Variants in PCSK6 observed in about 807,000 individuals in gnomAD.
PCSK6 encodes paired basic amino acid cleaving enzyme 4.
A neutral mutation model predicts 123.3 loss-of-function variants in PCSK6; 85 were observed. The observed-to-expected ratio is 0.69, with a 90% CI of 0.58 to 0.83. The LOEUF is 0.83. Ranked by LOEUF, PCSK6 falls within the 40% of genes least tolerant of loss-of-function variation. The pLI is 0.00. For missense variants in PCSK6, 1,191 were observed against 1,282.3 expected (o/e 0.93, Z 1.09); for synonymous variants, 508 against 516.0 (o/e 0.98, Z 0.21).
intron 6 of PCSK6, among the ~76,000 whole-genome samples, chr15:101,409,492 G>A (rs2042878559): frequency 1.3e-5 from 2 of 151,702 alleles, no homozygotes; most frequent in African/African-American, 4.8e-5. Context: ...GGCTGAGGCA[G>A]GAGAATGGCG....
At chr15:101,354,418 C>G (rs954402962) in intron 13 of PCSK6, among the ~76,000 whole-genome samples, 1 of 152,270 alleles carries the variant, frequency 6.6e-6, no homozygotes, top group African/African-American at 2.4e-5. Context: ...CACCTTCAGT[C>G]AAACGTAAAA....
At chr15:101,322,237 G>A (rs369372074) in intron 18 of PCSK6, among the ~76,000 whole-genome samples, 12 of 152,196 alleles carry the variant, frequency 7.9e-5, no homozygotes, top group Admixed American at 2.6e-4. Flanking sequence ...GTGCTGGAGC[G>A]AAAGGAGGCG....
At chr15:101,318,258 A>C (rs1389306844) in intron 19 of PCSK6, 61 bp downstream of exon 19, 1 of 1,266,634 alleles carries the variant, frequency 7.9e-7, no homozygotes, top group East Asian at 2.5e-5. Context: ...TCTCGGGTTC[A>C]AGGCAGCTAG....
intron 5 of PCSK6, among the ~76,000 whole-genome samples, chr15:101,428,783 A>G (rs774766522): frequency 1.1e-4 from 16 of 152,206 alleles, no homozygotes; most frequent in Non-Finnish European, 1.8e-4. Context: ...GAAGAGAGTC[A>G]TCTGTCCTTC....
intron 13 of PCSK6, among the ~76,000 whole-genome samples, chr15:101,333,410 C>G (rs907939546): frequency 2.0e-5 from 3 of 152,244 alleles, no homozygotes; most frequent in African/African-American, 2.4e-5. Context: ...GCGACCCAAG[C>G]TGGGGACAGG....
chr15:101,349,922 AT>A (rs1217846236), intron 13 of PCSK6, among the ~76,000 whole-genome samples: 1 of 150,528 alleles, frequency 6.6e-6, no homozygotes, highest in Non-Finnish European at 1.5e-5. Flanking sequence ...TTTTATTTTT[AT>A]TTTTTCTGAG....
In PCSK6 at chr15:101,450,104, C is replaced by CA. The variant is rs547263452; in HGVS notation, c.298-6445dup. Among the ~76,000 whole-genome samples the CA allele has an allele frequency of 8.3e-3, 1,267 of 152,230 alleles. 12 individuals are homozygous for CA. The highest frequency in any genetic ancestry group is 0.012 in the Non-Finnish European group (808 of 67,998). The stretch of plus-strand genomic sequence containing the variant: ...GGTAAAAGCCACCACCAAACCTTCC[C>CA]AAAGGGGGCTCTTAATGGCTCCCAA... On this transcript the variant is annotated intron_variant, in intron 1 of 21. Coordinates refer to ENST00000611716, the MANE Select transcript of PCSK6 (RefSeq NM_002570.5).
intron 6 of PCSK6, among the ~76,000 whole-genome samples, chr15:101,422,528 C>T (rs1596317029): frequency 6.6e-6 from 1 of 152,068 alleles, no homozygotes; most frequent in East Asian, 1.9e-4. Flanking sequence ...TGGATTTTCC[C>T]TAAGGCTATG....
At chr15:101,408,827 T>C (rs1173203103) in intron 6 of PCSK6, among the ~76,000 whole-genome samples, 1 of 152,182 alleles carries the variant, frequency 6.6e-6, no homozygotes, top group Non-Finnish European at 1.5e-5. Flanking sequence ...AGAATTAACA[T>C]AATTAACCAA....
intron 11 of PCSK6, among the ~76,000 whole-genome samples, chr15:101,377,475 G>T (rs918622453): frequency 2.6e-5 from 4 of 152,148 alleles, no homozygotes; most frequent in Admixed American, 2.6e-4. Flanking sequence ...ACTCCTTTCT[G>T]CCTCCATTTC....
intron 1 of PCSK6, among the ~76,000 whole-genome samples, chr15:101,448,210 A>G (rs2056943081): frequency 6.6e-6 from 1 of 152,224 alleles, no homozygotes; most frequent in African/African-American, 2.4e-5. Flanking sequence ...TCTTTACTCA[A>G]CGTTGATAGG....
chr15:101,327,650 C>A (rs1446257556), intron 15 of PCSK6, among the ~76,000 whole-genome samples: 1 of 152,178 alleles, frequency 6.6e-6, no homozygotes, highest in African/African-American at 2.4e-5. Context: ...TTGGTGGGGA[C>A]TTGAGGAAAA....
At chr15:101,311,056 T>C (rs2039848220) in intron 20 of PCSK6, among the ~76,000 whole-genome samples, 1 of 152,060 alleles carries the variant, frequency 6.6e-6, no homozygotes, top group Admixed American at 6.5e-5. Flanking sequence ...ACCATCCCCT[T>C]GGTGATGAGT....
intron 10 of PCSK6, among the ~76,000 whole-genome samples, chr15:101,382,417 C>T (rs979100501): frequency 6.6e-6 from 1 of 152,232 alleles, no homozygotes; most frequent in Non-Finnish European, 1.5e-5. Flanking sequence ...ACTCCTTCTG[C>T]TAAATTTAGG....
intron 8 of PCSK6, among the ~76,000 whole-genome samples, chr15:101,390,944 T>A (rs8041533): frequency 0.21 from 32,103 of 152,094 alleles, 4,340 homozygotes; most frequent in African/African-American, 0.39. Context: ...GTAGCCGATT[T>A]GCCTAACCTT....
At chr15:101,476,592 T>G (rs1013843352) in intron 1 of PCSK6, among the ~76,000 whole-genome samples, 2 of 151,888 alleles carry the variant, frequency 1.3e-5, no homozygotes, top group Non-Finnish European at 1.5e-5. Context: ...AAAATTCTTT[T>G]TGTGTGTATA....
At chr15:101,403,251 T>C (rs1206603934) in intron 6 of PCSK6, among the ~76,000 whole-genome samples, 1 of 116,910 alleles carries the variant, frequency 8.6e-6, no homozygotes, top group Non-Finnish European at 1.6e-5. Context: ...AAGGGGAACA[T>C]CACACTCTGG....
chr15:101,366,837 T>C (rs2041410840), intron 12 of PCSK6, among the ~76,000 whole-genome samples: 1 of 152,206 alleles, frequency 6.6e-6, no homozygotes, highest in African/African-American at 2.4e-5. Flanking sequence ...TGTGCAAGAA[T>C]GAAACTTCCA....
chr15:101,401,863 C>A (rs1467673905), intron 6 of PCSK6, among the ~76,000 whole-genome samples: 1 of 152,030 alleles, frequency 6.6e-6, no homozygotes, highest in African/African-American at 2.4e-5. Flanking sequence ...TTTATAGATT[C>A]AATGCCATCC....
Sources: gnomAD v4.1 joint callset for allele counts (sites outside exome capture counted in the v4.1 genomes callset) on GRCh38, gnomAD v4.1.1 for gene constraint, MANE v1.5 for transcripts, NCBI Gene and HGNC (gene_info 2026-07-23, HGNC 2026-07-21) for gene names.